Variants in NCAM1 observed in about 807,000 individuals in gnomAD.
NCAM1 encodes antigen recognized by monoclonal antibody 5.1H11.
Under a neutral mutation model 109.8 loss-of-function variants are expected in NCAM1, and 14 were observed. That is an observed-to-expected ratio of 0.13 (90% confidence interval 0.08 to 0.20). The LOEUF (loss-of-function observed/expected upper bound fraction) is 0.20, where lower values mean the gene tolerates loss of function less well. NCAM1 is among the 10% of genes least tolerant of loss of function. The pLI, the probability that NCAM1 is intolerant of heterozygous loss-of-function variation, is 1.00. For missense variants in NCAM1, 774 were observed against 1,109.9 expected, an observed-to-expected ratio of 0.70 and a Z score of 4.30; for synonymous variants, 418 against 442.9, an observed-to-expected ratio of 0.94 and a Z score of 0.70.
chr11:113,092,920 A>T (rs1427020977), intron 1 of NCAM1, among the ~76,000 whole-genome samples: 1 of 152,234 alleles, frequency 6.6e-6, no homozygotes, highest in Non-Finnish European at 1.5e-5. Context: ...AAATACTAGC[A>T]TTAAATGCTG....
At chr11:113,013,764 C>T (rs1476819595) in intron 1 of NCAM1, among the ~76,000 whole-genome samples, 2 of 152,142 alleles carry the variant, frequency 1.3e-5, no homozygotes, top group Non-Finnish European at 2.9e-5. Context: ...GCCAAGTTAA[C>T]GTCAATATAT....
At chr11:113,252,475 GAATT>G (rs1446331438) in intron 15 of NCAM1, among the ~76,000 whole-genome samples, 6 of 149,074 alleles carry the variant, frequency 4.0e-5, no homozygotes, top group Non-Finnish European at 7.4e-5. Flanking sequence ...TCTTTTAAAA[GAATT>G]AATCATAACT....
chr11:112,961,553 C>CG lies in NCAM1; in HGVS notation c.-60_-59insG. On this transcript the variant is annotated 5_prime_UTR_variant, in exon 1 of 20. Coordinates refer to ENST00000316851, the MANE Select transcript of NCAM1 (RefSeq NM_181351.5). ...GCTCAGCCGCCGTCCACACTCGCTG[C>CG]AGGGGGGGGGGCACAGAATTTACCG... 1 of 1,067,440 alleles carries CG rather than the reference C, an allele frequency of 9.4e-7. No homozygotes were observed. Among genetic ancestry groups the CG allele is most frequent in the Non-Finnish European group, 1.5e-6 (1 of 689,416 alleles). The allele number at this position is 1,067,440 out of a possible 1,614,324, so 66.1% of individuals were successfully genotyped here. A position where few individuals can be genotyped will look rare whatever the true frequency, so the allele number is the denominator to read the frequency against.
chr11:113,247,945 C>T (rs1390192480), intron 15 of NCAM1, among the ~76,000 whole-genome samples: 1 of 152,148 alleles, frequency 6.6e-6, no homozygotes, highest in Non-Finnish European at 1.5e-5. Context: ...AGATCTGGGC[C>T]TTCACCATGA....
intron 1 of NCAM1, among the ~76,000 whole-genome samples, chr11:113,007,911 T>A (rs1482578787): frequency 6.6e-6 from 1 of 152,224 alleles, no homozygotes; most frequent in East Asian, 1.9e-4. Context: ...GTTCTGATAT[T>A]TTCTTTTGTA....
intron 19 of NCAM1, chr11:113,272,833 A>C (rs1591478833): frequency 7.0e-6 from 3 of 428,386 alleles, no homozygotes; most frequent in African/African-American, 2.1e-5. Context: ...GCATGCCCCC[A>C]CCCCCATGGT....
At chr11:113,140,018 G>A (rs1365823419) in intron 1 of NCAM1, among the ~76,000 whole-genome samples, 1 of 152,202 alleles carries the variant, frequency 6.6e-6, no homozygotes, top group African/African-American at 2.4e-5. Flanking sequence ...CAAGTGATAA[G>A]CAGTTTGTCA....
At chr11:113,263,566 C>A in intron 17 of NCAM1, 2 of 985,688 alleles carry the variant, frequency 2.0e-6, no homozygotes, top group Non-Finnish European at 2.4e-6. Flanking sequence ...CTGGGATGTG[C>A]TTTCAGTCCT....
intron 7 of NCAM1, among the ~76,000 whole-genome samples, chr11:113,211,601 A>C (rs1288598026): frequency 1.3e-5 from 2 of 152,174 alleles, no homozygotes; most frequent in Non-Finnish European, 2.9e-5. Context: ...ATGCTCATGT[A>C]CATGCTCTTG....
Position 113,170,524 on chromosome 11 carries a change from T to A in NCAM1, c.53-31855T>A, listed in dbSNP as rs191637607. 2.4e-4 allele frequency among the ~76,000 whole-genome samples: 36 copies of A among 152,316 alleles called. No homozygotes were observed. The East Asian group carries it at 6.9e-3, about 29-fold the overall frequency. ...AAAAAATGCAGGCTTATGTCCTCAC[T>A]ATTTGAAAAGATCAAAAGGCTATGG... On this transcript the variant is annotated intron_variant, in intron 1 of 19. Coordinates refer to ENST00000316851, the MANE Select transcript of NCAM1 (RefSeq NM_181351.5).
intron 1 of NCAM1, among the ~76,000 whole-genome samples, chr11:113,149,235 C>T (rs553723684): frequency 6.6e-6 from 1 of 152,292 alleles, no homozygotes; most frequent in South Asian, 2.1e-4. Flanking sequence ...ATTCCCACAG[C>T]AAAGCCTGGC....
intron 1 of NCAM1, among the ~76,000 whole-genome samples, chr11:113,155,878 C>G (rs1337626243): frequency 6.6e-6 from 1 of 152,098 alleles, no homozygotes; most frequent in Non-Finnish European, 1.5e-5. Flanking sequence ...CTCCTCCTCT[C>G]AGCCCTCAAC....
intron 1 of NCAM1, among the ~76,000 whole-genome samples, chr11:113,146,779 G>A (rs1229645954): frequency 6.6e-6 from 1 of 152,048 alleles, no homozygotes; most frequent in African/African-American, 2.4e-5. Context: ...GAAGCCAAGG[G>A]TCTTCTGTTA....
chr11:113,232,255 C>A lies in NCAM1; in HGVS notation c.1326C>A (p.Pro442=). ...VNITCEVFAY[P]SATISWFRDG... is the part of the protein sequence containing the mutation. ...TCACCTGCGAGGTATTTGCCTATCC[C>A]AGTGCCACGATCTCATGGTTTCGGG... The change falls in exon 11 of 20, where the codon CCC becomes CCA. Residue 442 remains proline (P), a synonymous_variant. Transcript: ENST00000316851. 6.2e-7 allele frequency: 1 copy of A among 1,613,932 alleles called. No individual in the cohort carries two copies. The highest frequency in any genetic ancestry group is 8.5e-7 in the Non-Finnish European group (1 of 1,179,860).
intron 9 of NCAM1, among the ~76,000 whole-genome samples, chr11:113,229,821 A>T (rs1555116857): frequency 1.3e-5 from 2 of 152,204 alleles, no homozygotes; most frequent in Admixed American, 1.3e-4. Flanking sequence ...TTCTCAGCAA[A>T]GTATCCCAAG....
At chr11:113,040,336 A>G (rs1715499267) in intron 1 of NCAM1, among the ~76,000 whole-genome samples, 1 of 152,034 alleles carries the variant, frequency 6.6e-6, no homozygotes, top group Admixed American at 6.6e-5. Context: ...ACAGGTTTAG[A>G]CTGGTTGGGA....
chr11:113,155,705 A>G (rs1942386589), intron 1 of NCAM1, among the ~76,000 whole-genome samples: 1 of 151,926 alleles, frequency 6.6e-6, no homozygotes, highest in South Asian at 2.1e-4. Context: ...GCCCAGTTAT[A>G]TGTCCTTTTC....
chr11:113,221,319 G>A lies in NCAM1; in HGVS notation c.1083G>A (p.Lys361=), dbSNP rs1555115268. Residue 361 remains lysine (K), a synonymous_variant, in exon 9 of 20, where the codon AAG becomes AAA. Transcript: ENST00000316851. ...EEKASWTRPE[K]QETLDGHMVV... is the part of the protein sequence containing the mutation. ...AGGCTTCGTGGACTCGACCAGAGAA[G>A]CAAGAGGTATAGCTTACCTGACCAC... 6 of 1,567,946 alleles carry A rather than the reference G, an allele frequency of 3.8e-6. No homozygotes were observed. In the Admixed American group the frequency reaches 9.4e-5, roughly 25 times the overall value.
intron 1 of NCAM1, among the ~76,000 whole-genome samples, chr11:113,169,833 G>A (rs1172518461): frequency 2.0e-5 from 3 of 151,990 alleles, no homozygotes; most frequent in Non-Finnish European, 4.4e-5. Context: ...CGCCATGTTG[G>A]TCAGGCTGGT....
Sources: allele counts gnomAD v4.1 joint callset (sites outside exome capture counted in the v4.1 genomes callset), GRCh38; gene constraint gnomAD v4.1.1; transcripts MANE v1.5; gene names NCBI Gene and HGNC (gene_info 2026-07-23, HGNC 2026-07-21).